Variants in MMP16 observed in about 807,000 individuals in gnomAD.
MMP16 encodes the protein matrix metalloproteinase-16.
A neutral mutation model predicts 67.8 loss-of-function variants in MMP16; 12 were observed. That is an observed-to-expected ratio of 0.18 (90% CI 0.11 to 0.29). MMP16 has a LOEUF of 0.29. Among genes scored for constraint, MMP16 ranks in the 10% least tolerant of loss-of-function variants. The probability of loss-of-function intolerance (pLI) is 1.00; values close to 1 mark genes in which losing one functional copy is unlikely to be tolerated. For missense variants in MMP16, 475 were observed against 765.7 expected, an observed-to-expected ratio of 0.62 and a Z score of 4.48; for synonymous variants, 249 against 255.9, an observed-to-expected ratio of 0.97 and a Z score of 0.26.
intron 3 of MMP16, among the ~76,000 whole-genome samples, chr8:88,175,188 T>C (rs543297768): frequency 1.1e-4 from 16 of 152,288 alleles, no homozygotes; most frequent in African/African-American, 3.6e-4. Context: ...ACCACTGCTT[T>C]GTATACCAAA....
At position 88,036,649 on chromosome 8, in the gene MMP16, A is replaced by G. The variant is rs201043071; in HGVS notation, c.*4812T>C. 2.6e-5 allele frequency: 4 copies of G among 151,846 alleles called. No individual in the cohort carries two copies. In the East Asian group the frequency reaches 5.8e-4, roughly 22 times the overall value. 9.4% of individuals were successfully genotyped at this position (151,846 alleles called of 1,614,324 possible). A position where few individuals can be genotyped will look rare whatever the true frequency, so the allele number is the denominator to read the frequency against. On this transcript the variant is annotated 3_prime_UTR_variant, in exon 10 of 10. Transcript: ENST00000286614. ...TCAACAACATGAAGGTACATGAAAT[A>G]CAGCCGAATGATTAGATCCTCTTAT...
At chr8:88,128,834 G>C (rs1008523510) in intron 4 of MMP16, among the ~76,000 whole-genome samples, 1 of 151,770 alleles carries the variant, frequency 6.6e-6, no homozygotes, top group Non-Finnish European at 1.5e-5. Context: ...CTAAAGATCT[G>C]GATGGTGGTC....
intron 1 of MMP16, among the ~76,000 whole-genome samples, chr8:88,324,679 A>C (rs1454292042): frequency 1.3e-5 from 2 of 152,166 alleles, no homozygotes; most frequent in Non-Finnish European, 2.9e-5. Context: ...TTGCAACCAG[A>C]ATGAGGAACA....
chr8:88,250,907 C>A (rs902078567), intron 1 of MMP16, among the ~76,000 whole-genome samples: 3 of 151,200 alleles, frequency 2.0e-5, no homozygotes, highest in Non-Finnish European at 4.4e-5. Flanking sequence ...AGTTATATCT[C>A]CCAATGCTAT....
intron 2 of MMP16, among the ~76,000 whole-genome samples, chr8:88,191,596 C>A (rs1809169801): frequency 1.3e-5 from 2 of 152,228 alleles, no homozygotes; most frequent in South Asian, 4.1e-4. Context: ...AAATAAACAA[C>A]TTCACTGTCC....
chr8:88,190,012 C>T (rs1444003922), intron 2 of MMP16, among the ~76,000 whole-genome samples: 1 of 152,160 alleles, frequency 6.6e-6, no homozygotes. Context: ...CTATATATTT[C>T]TTGAGGACTT....
chr8:88,158,533 T>C (rs201152572), intron 4 of MMP16, among the ~76,000 whole-genome samples: 1 of 143,150 alleles, frequency 7.0e-6, no homozygotes, highest in Non-Finnish European at 1.6e-5. Flanking sequence ...TCTTGTAAAT[T>C]TGTTTGAGTT....
At chr8:88,100,994 G>A (rs1809133689) in intron 6 of MMP16, among the ~76,000 whole-genome samples, 1 of 134,900 alleles carries the variant, frequency 7.4e-6, no homozygotes, top group South Asian at 2.8e-4. Flanking sequence ...AGGGGAGGGG[G>A]GAGGGATAGC....
At chr8:88,109,991 T>A (rs998385632) in intron 6 of MMP16, among the ~76,000 whole-genome samples, 1 of 151,436 alleles carries the variant, frequency 6.6e-6, no homozygotes, top group South Asian at 2.1e-4. Context: ...AAATATATCC[T>A]AAATTCCAAA....
At chr8:88,166,762 G>C (rs895114813) in intron 4 of MMP16, among the ~76,000 whole-genome samples, 4 of 143,704 alleles carry the variant, frequency 2.8e-5, no homozygotes, top group African/African-American at 1.0e-4. Context: ...AACAGAGGGA[G>C]TTTGTTTAAA....
At chr8:88,284,554 C>T (rs1810793126) in intron 1 of MMP16, among the ~76,000 whole-genome samples, 1 of 151,744 alleles carries the variant, frequency 6.6e-6, no homozygotes, top group Non-Finnish European at 1.5e-5. Context: ...CTTTTCAACA[C>T]AGCCTGTTGT....
intron 8 of MMP16, among the ~76,000 whole-genome samples, chr8:88,049,800 G>A (rs1027623404): frequency 1.3e-5 from 2 of 152,120 alleles, no homozygotes; most frequent in African/African-American, 2.4e-5. Context: ...AAGATGGATG[G>A]ATTGCTTGAG....
chr8:88,038,339 A>G lies in MMP16; in HGVS notation c.*3122T>C, dbSNP rs1389024673. On this transcript the variant is annotated 3_prime_UTR_variant, in exon 10 of 10. Transcript: ENST00000286614. The surrounding 1 kb of genome is among the most constrained non-coding windows in gnomAD (Gnocchi z 4.1). The stretch of plus-strand genomic sequence containing the variant: ...CTTGTCTCATATTAAAGTAAATATG[A>G]CCCAACCCTTATTCATGACATTTGC... 1 of 152,432 alleles carries G rather than the reference A, an allele frequency of 6.6e-6. No homozygotes were observed. Among genetic ancestry groups the G allele is most frequent in the African/African-American group, 2.4e-5 (1 of 41,532 alleles). The allele number at this position is 152,432 out of a possible 1,614,324, so 9.4% of individuals were successfully genotyped here.
rs28906385 is a variant in MMP16 at position 88,093,860 on chromosome 8, T to C, written c.1084-19117A>G. 9.3e-4 allele frequency among the ~76,000 whole-genome samples: 142 copies of C among 151,948 alleles called. 2 individuals are homozygous for C. In the East Asian group the frequency reaches 0.027, roughly 28 times the overall value. ...ATTTTCCTCCCTTTATTTCTATGTA[T>C]ATACTAGCAATTTCAATGACACTAT... On this transcript the variant is annotated intron_variant, in intron 6 of 9. Coordinates refer to ENST00000286614, the MANE Select transcript of MMP16 (RefSeq NM_005941.5).
chr8:88,088,746 G>A (rs1362823748), intron 6 of MMP16, among the ~76,000 whole-genome samples: 3 of 151,974 alleles, frequency 2.0e-5, no homozygotes, highest in Non-Finnish European at 4.4e-5. Flanking sequence ...TACACTCAAG[G>A]TAAGTCCTCA....
At position 88,219,151 on chromosome 8, in the gene MMP16, A is replaced by G. The variant is rs1343904507; in HGVS notation, c.133-21845T>C. Among the ~76,000 whole-genome samples, 5 of 151,994 alleles carry G rather than the reference A, an allele frequency of 3.3e-5. No homozygotes were observed. The East Asian group carries it at 5.8e-4, about 18-fold the overall frequency. ...TAAGAGCCACAGTGGGAAATAAAAT[A>G]AAGCAGGAAAGAAGGAAGGATCAAG... On this transcript the variant is annotated intron_variant, in intron 1 of 9. Coordinates refer to ENST00000286614, the MANE Select transcript of MMP16 (RefSeq NM_005941.5).
At chr8:88,176,002 G>T (rs1808884409) in intron 3 of MMP16, among the ~76,000 whole-genome samples, 1 of 152,110 alleles carries the variant, frequency 6.6e-6, no homozygotes, top group African/African-American at 2.4e-5. Flanking sequence ...CCATTAAACT[G>T]TTTTTTCTTT....
At chr8:88,186,378 T>A in intron 3 of MMP16, 98 bp downstream of exon 3, 1 of 1,467,010 alleles carries the variant, frequency 6.8e-7, no homozygotes, top group East Asian at 2.3e-5. Context: ...CCCTATATAT[T>A]AACATGTAGT....
chr8:88,119,596 TA>T (rs1457298786), intron 4 of MMP16, among the ~76,000 whole-genome samples: 1 of 152,018 alleles, frequency 6.6e-6, no homozygotes, highest in Non-Finnish European at 1.5e-5. Flanking sequence ...ATCTATTGAG[TA>T]AAAACTCTGC....
Sources: gnomAD v4.1 joint callset for allele counts (sites outside exome capture counted in the v4.1 genomes callset) on GRCh38, gnomAD v4.1.1 for gene constraint, Gnocchi (gnomAD v3.1) non-coding constraint, MANE v1.5 for transcripts, NCBI Gene and HGNC (gene_info 2026-07-23, HGNC 2026-07-21) for gene names.